RAD51B: variants seen among roughly 807,000 people sequenced by gnomAD.
RAD51B encodes DNA repair protein RAD51 homolog 2.
In RAD51B, 38 loss-of-function variants were observed where a neutral mutation model predicts 42.2. The observed-to-expected ratio is 0.90, with a 90% CI of 0.70 to 1.18. The LOEUF (loss-of-function observed/expected upper bound fraction) is 1.18. Among genes scored for constraint, RAD51B ranks in the 50% most tolerant of loss-of-function variants. The pLI, the probability that RAD51B is intolerant of heterozygous loss-of-function variation, is 0.00. For synonymous variants in RAD51B, 154 were observed against 145.2 expected (o/e 1.06, Z -0.43); for missense variants, 373 against 400.7 (o/e 0.93, Z 0.59).
rs190881647 is a variant in RAD51B, at chr14:68,299,487, A to G, written c.853+7507A>G. On this transcript the variant is annotated intron_variant, in intron 8 of 10. Transcript: ENST00000471583. ...GTATTAGGTATTATAAATAATCTAG[A>G]GATTATTTAAAGTATCCAGGAGGAT... Among the ~76,000 whole-genome samples the G allele has an allele frequency of 5.9e-5, 9 of 152,258 alleles. No individual in the cohort carries two copies. In the East Asian group the frequency reaches 1.2e-3, roughly 20 times the overall value.
intron 7 of RAD51B, among the ~76,000 whole-genome samples, chr14:68,249,222 C>G (rs773396221): frequency 8.5e-5 from 13 of 152,218 alleles, no homozygotes; most frequent in Non-Finnish European, 1.8e-4. Context: ...ACAGGACACA[C>G]TAAGCTAAAT....
In RAD51B at chr14:68,088,332, C is replaced by T. The variant is rs530807052; in HGVS notation, c.756+201128C>T. Among the ~76,000 whole-genome samples, 43 of 151,778 alleles carry T rather than the reference C, an allele frequency of 2.8e-4. 1 individual carries two copies. The South Asian group carries it at 8.9e-3, about 32-fold the overall frequency. ...GGTATATGGAAATAAATCAAATTTACTTACTTACTTTTTTACCGTGACCAA... is the reference window on the plus strand; with the variant it reads ...GGTATATGGAAATAAATCAAATTTATTTACTTACTTTTTTACCGTGACCAA... On this transcript the variant is annotated intron_variant, in intron 7 of 10. Coordinates refer to ENST00000471583, the MANE Select transcript of RAD51B (RefSeq NM_133510.4).
chr14:68,318,073 G>C (rs2082093583), intron 8 of RAD51B, among the ~76,000 whole-genome samples: 1 of 152,162 alleles, frequency 6.6e-6, no homozygotes, highest in Non-Finnish European at 1.5e-5. Flanking sequence ...TTTCTTCTTT[G>C]GTTTCTTCTT....
intron 7 of RAD51B, among the ~76,000 whole-genome samples, chr14:68,102,402 G>A (rs1404076787): frequency 1.3e-5 from 2 of 152,016 alleles, no homozygotes; most frequent in Non-Finnish European, 2.9e-5. Context: ...AGATTCCAAT[G>A]CCAAACCATC....
chr14:67,912,317 A>G (rs899761500), intron 7 of RAD51B, among the ~76,000 whole-genome samples: 1 of 152,194 alleles, frequency 6.6e-6, no homozygotes, highest in South Asian at 2.1e-4. Flanking sequence ...AAATGTAGCT[A>G]TGCTCATTGA....
intron 7 of RAD51B, among the ~76,000 whole-genome samples, chr14:68,000,790 C>A (rs953549864): frequency 6.6e-6 from 1 of 152,104 alleles, no homozygotes; most frequent in Non-Finnish European, 1.5e-5. Flanking sequence ...TCAGATATCA[C>A]CCTTGACCAT....
At chr14:68,095,971 CAAAAAAAA>C (rs56862052) in intron 7 of RAD51B, among the ~76,000 whole-genome samples, 1,872 of 62,564 alleles carry the variant, frequency 0.03, 20 homozygotes, top group Middle Eastern at 0.11. Flanking sequence ...GACTCCGTCT[CAAAAAAAA>C]AAAAAAAAAA....
chr14:68,589,197 G>A (rs767925095), intron 10 of RAD51B, among the ~76,000 whole-genome samples: 1 of 152,170 alleles, frequency 6.6e-6, no homozygotes, highest in Non-Finnish European at 1.5e-5. Context: ...AGTGGAATAT[G>A]GTCAATAAAT....
chr14:68,472,562 G>C (rs2086152646), intron 10 of RAD51B, among the ~76,000 whole-genome samples: 1 of 152,222 alleles, frequency 6.6e-6, no homozygotes, highest in African/African-American at 2.4e-5. Context: ...AGAAAAGCCA[G>C]GTTGTTTGGA....
intron 10 of RAD51B, among the ~76,000 whole-genome samples, chr14:68,570,739 C>T (rs1254104276): frequency 1.2e-4 from 19 of 152,198 alleles, no homozygotes; most frequent in Admixed American, 1.2e-3. Flanking sequence ...AGGCCCTTCC[C>T]TCAAAGAAGC....
intron 5 of RAD51B, 162 bp from the exon 6 acceptor site, chr14:67,885,707 A>T: frequency 1.1e-6 from 1 of 872,188 alleles, no homozygotes; most frequent in Admixed American, 3.8e-5. Context: ...TAGTGCTTAC[A>T]AAAGAGAGCT....
At chr14:68,114,279 T>A (rs1420044795) in intron 7 of RAD51B, 1 of 152,128 alleles carries the variant, frequency 6.6e-6, no homozygotes, top group Non-Finnish European at 1.5e-5. Context: ...TATATATTTT[T>A]GTTTTATATT....
At chr14:68,141,627 T>G (rs1285638370) in intron 7 of RAD51B, among the ~76,000 whole-genome samples, 4 of 152,168 alleles carry the variant, frequency 2.6e-5, no homozygotes, top group Non-Finnish European at 1.5e-5. Flanking sequence ...ACATTAACAT[T>G]ATTATTTGGT....
chr14:68,545,752 G>A (rs17105826), intron 10 of RAD51B: 47,097 of 410,494 alleles, frequency 0.11, 3,885 homozygotes, highest in African/African-American at 0.3. Context: ...ATTCACAGAT[G>A]AATAGGACAT....
intron 8 of RAD51B, among the ~76,000 whole-genome samples, chr14:68,311,053 T>G (rs2081958694): frequency 6.6e-6 from 1 of 152,062 alleles, no homozygotes; most frequent in Admixed American, 6.6e-5. Context: ...ATGTCTACGT[T>G]GTTAACTGCA....
intron 4 of RAD51B, among the ~76,000 whole-genome samples, chr14:67,864,427 A>G (rs1415861767): frequency 6.6e-6 from 1 of 152,208 alleles, no homozygotes; most frequent in African/African-American, 2.4e-5. Context: ...TTCTCTTTCT[A>G]CACACATATA....
intron 7 of RAD51B, among the ~76,000 whole-genome samples, chr14:68,104,124 G>A (rs1299145927): frequency 6.6e-6 from 1 of 152,174 alleles, no homozygotes; most frequent in South Asian, 2.1e-4. Flanking sequence ...GAGAGTATAT[G>A]CAAGAGATTT....
At chr14:68,351,895 A>G (rs1425024485) in intron 8 of RAD51B, among the ~76,000 whole-genome samples, 2 of 152,308 alleles carry the variant, frequency 1.3e-5, no homozygotes, top group Non-Finnish European at 2.9e-5. Context: ...ATGGGTGAAG[A>G]GGGACCCCTG....
rs141938050 is a variant in RAD51B at position 68,359,632 on chromosome 14, G to A, written c.854-51792G>A. Among the ~76,000 whole-genome samples, 286 of 152,306 alleles carry A rather than the reference G, an allele frequency of 1.9e-3. 1 individual carries two copies. Among genetic ancestry groups the A allele is most frequent in the Non-Finnish European group, 3.0e-3 (202 of 68,030 alleles). Reference sequence around the variant, plus strand: ...TGGCCGTTACCTCTCTCAGAAGCCAGGCAGAGCTGTGAGTTCTTTCACCTT... The same window carrying A: ...TGGCCGTTACCTCTCTCAGAAGCCAAGCAGAGCTGTGAGTTCTTTCACCTT... On this transcript the variant is annotated intron_variant, in intron 8 of 10. Coordinates refer to ENST00000471583, the MANE Select transcript of RAD51B (RefSeq NM_133510.4).
Sources: gnomAD v4.1 joint callset for allele counts (sites outside exome capture counted in the v4.1 genomes callset) on GRCh38, gnomAD v4.1.1 for gene constraint, MANE v1.5 for transcripts, NCBI Gene and HGNC (gene_info 2026-07-23, HGNC 2026-07-21) for gene names.